Variants in PCDHGB2 observed in about 807,000 individuals in gnomAD.
PCDHGB2 encodes protocadherin gamma-B2.
In PCDHGB2, 55 loss-of-function variants were observed where a neutral mutation model predicts 59.3. The ratio of observed to expected loss-of-function variants is 0.93; its 90% CI spans 0.75 to 1.16. The LOEUF is 1.16. PCDHGB2 is among the 50% of genes most tolerant of loss of function. PCDHGB2 has a pLI of 0.00. For missense variants in PCDHGB2, 1,228 were observed against 1,198.5 expected, an observed-to-expected ratio of 1.02 and a Z score of -0.36; for synonymous variants, 516 against 512.0, an observed-to-expected ratio of 1.01 and a Z score of -0.11.
rs190449546 is a variant in PCDHGB2, at chr5:141,371,792, G to T, written c.2421+9236G>T. ...CCGTGCATGTAGCTGAGAACAATCC[G>T]CCTGGAGCCTCCATTGCGCATGTCA... On this transcript the variant is annotated intron_variant, in intron 1 of 3. Transcript: ENST00000522605. The T allele has an allele frequency of 2.8e-4, 458 of 1,613,872 alleles. 2 individuals are homozygous for T. In the African/African-American group the frequency reaches 4.6e-3, roughly 16 times the overall value.
rs774079222 is a variant in PCDHGB2 at position 141,491,314 on chromosome 5, C to T, written c.2422-3493C>T. On this transcript the variant is annotated intron_variant, in intron 1 of 3. Coordinates refer to ENST00000522605, the MANE Select transcript of PCDHGB2 (RefSeq NM_018923.3). This position sits in a 1 kb window ranked among gnomAD's most constrained non-coding sequence, Gnocchi z 6.9. ...CCCTCCTGAGCGTTCAGACCTTACC[C>T]TTTACCTCATTGTGGCTCTAGCGAC... The T allele has an allele frequency of 1.9e-6, 3 of 1,614,182 alleles. No individual in the cohort carries two copies. In the South Asian group the frequency reaches 3.3e-5, roughly 18 times the overall value.
intron 1 of PCDHGB2, among the ~76,000 whole-genome samples, chr5:141,488,305 T>C (rs1452293355): frequency 6.6e-6 from 1 of 152,234 alleles, no homozygotes; most frequent in African/African-American, 2.4e-5. Context: ...AAATCACTTA[T>C]GTCAGAAAAC....
chr5:141,465,505 G>C (rs905617997), intron 1 of PCDHGB2, among the ~76,000 whole-genome samples: 1 of 152,190 alleles, frequency 6.6e-6, no homozygotes, highest in Non-Finnish European at 1.5e-5. Context: ...CATTGTCGTG[G>C]TCAGGAAGGA....
chr5:141,361,147 C>T lies in PCDHGB2; in HGVS notation c.1012C>T (p.Leu338Phe). 2 of 1,613,956 alleles carry T rather than the reference C, an allele frequency of 1.2e-6. No individual in the cohort carries two copies. The highest frequency in any genetic ancestry group is 8.5e-7 in the Non-Finnish European group (1 of 1,179,890). The change falls in exon 1 of 4, where the codon CTT (leucine) becomes TTT (phenylalanine). Residue 338 changes from leucine to phenylalanine, a missense_variant. Physicochemically the swap from Leu to Phe is conservative, Grantham distance 22. This residue lies in a region of PCDHGB2 where 781 missense variants were observed against 721.6 expected (regional missense o/e 1.08). Coordinates refer to ENST00000522605, the MANE Select transcript of PCDHGB2 (RefSeq NM_018923.3). ...CCACTGCAGTATCCAAGTTGAAATT[C>T]TTGATGACAACGATTGTGCACCTGA... ...AAHCSIQVEI[L>F]DDNDCAPEVI...
At chr5:141,399,454 G>A in intron 1 of PCDHGB2, 1 of 1,613,992 alleles carries the variant, frequency 6.2e-7, no homozygotes. Flanking sequence ...AGACGTCAAC[G>A]ATAACGCTCC....
At chr5:141,426,788 T>C (rs2096960035) in intron 1 of PCDHGB2, 1 of 456,568 alleles carries the variant, frequency 2.2e-6, no homozygotes, top group African/African-American at 2.0e-5. Context: ...CTCTCCAGAG[T>C]TACCAGCTCA....
intron 1 of PCDHGB2, chr5:141,398,765 C>T (rs2093700875): frequency 6.2e-7 from 1 of 1,613,944 alleles, no homozygotes. Flanking sequence ...TTAGTCCTGA[C>T]TGCCTTGGAC....
At chr5:141,500,223 T>TTG (rs1227708024) in intron 2 of PCDHGB2, among the ~76,000 whole-genome samples, 1 of 145,320 alleles carries the variant, frequency 6.9e-6, no homozygotes, top group Non-Finnish European at 1.5e-5. Flanking sequence ...TTTATTTATT[T>TTG]ATTGATACGT....
chr5:141,427,469 C>T lies in PCDHGB2; in HGVS notation c.2421+64913C>T, dbSNP rs116302471. The T allele has an allele frequency of 9.8e-3, 5,010 of 510,088 alleles. 35 individuals are homozygous for T. Among genetic ancestry groups the T allele is most frequent in the Non-Finnish European group, 0.012 (3,225 of 262,464 alleles). 31.6% of individuals were successfully genotyped at this position (510,088 alleles called of 1,614,324 possible). A position where few individuals can be genotyped will look rare whatever the true frequency, so the allele number is the denominator to read the frequency against. On this transcript the variant is annotated intron_variant, in intron 1 of 3. Coordinates refer to ENST00000522605, the MANE Select transcript of PCDHGB2 (RefSeq NM_018923.3). Reference sequence around the variant, plus strand: ...GAGTTCCTTTTAGAATCGAATCTTCCGCCAATAATGACTATAAGCTTGTAA... The same window carrying T: ...GAGTTCCTTTTAGAATCGAATCTTCTGCCAATAATGACTATAAGCTTGTAA...
intron 1 of PCDHGB2, chr5:141,413,715 G>A (rs955570292): frequency 2.5e-6 from 4 of 1,613,472 alleles, no homozygotes; most frequent in Non-Finnish European, 3.4e-6. Context: ...GCCCCAATAA[G>A]CACTTCTCCC....
chr5:141,484,866 C>A (rs1474623432), intron 1 of PCDHGB2: 9 of 275,500 alleles, frequency 3.3e-5, no homozygotes, highest in Non-Finnish European at 5.5e-5. Context: ...GGTGGGGGAG[C>A]GTGGAGGATA....
intron 1 of PCDHGB2, chr5:141,409,177 T>C: frequency 3.1e-6 from 5 of 1,613,944 alleles, no homozygotes; most frequent in Non-Finnish European, 4.2e-6. Context: ...AGGACGGAGG[T>C]GGTCTCTCTA....
chr5:141,372,161 C>T lies in PCDHGB2; in HGVS notation c.2421+9605C>T, dbSNP rs777425940. 5.6e-6 allele frequency: 9 copies of T among 1,613,776 alleles called. No individual in the cohort carries two copies. The Middle Eastern group carries it at 5.0e-4, about 89-fold the overall frequency. On this transcript the variant is annotated intron_variant, in intron 1 of 3. Transcript: ENST00000522605. Reference sequence around the variant, plus strand: ...CTGCAGAGCCTGGCTACCTGGTGACCAAGGTGGTGGCGGTGGACGCAGACT... The same window carrying T: ...CTGCAGAGCCTGGCTACCTGGTGACTAAGGTGGTGGCGGTGGACGCAGACT...
Position 141,491,611 on chromosome 5 carries a change from A to G in PCDHGB2, c.2422-3196A>G. The G allele has an allele frequency of 6.2e-7, 1 of 1,613,866 alleles. No individual in the cohort carries two copies. The highest frequency in any genetic ancestry group is 8.5e-7 in the Non-Finnish European group (1 of 1,180,018). Reference sequence around the variant, plus strand: ...GGACGGCAGTGACTTCACTTTTCTAAGACCCCTCAGCGTTCAGCAGCCCAC... The same window carrying G: ...GGACGGCAGTGACTTCACTTTTCTAGGACCCCTCAGCGTTCAGCAGCCCAC... On this transcript the variant is annotated intron_variant, in intron 1 of 3. Transcript: ENST00000522605. This position sits in a 1 kb window ranked among gnomAD's most constrained non-coding sequence, Gnocchi z 6.9.
At chr5:141,451,561 C>T (rs1412657561) in intron 1 of PCDHGB2, among the ~76,000 whole-genome samples, 2 of 152,096 alleles carry the variant, frequency 1.3e-5, no homozygotes, top group Non-Finnish European at 2.9e-5. Flanking sequence ...ATGAAAGCCA[C>T]AATCTTTTTA....
chr5:141,418,821 C>G (rs750200042), intron 1 of PCDHGB2: 1 of 1,613,846 alleles, frequency 6.2e-7, no homozygotes, highest in Non-Finnish European at 8.5e-7. Flanking sequence ...AACATAGAAG[C>G]AAAAGACCGA....
rs151239937 is a variant in PCDHGB2, at chr5:141,485,980, G to A, written c.2422-8827G>A. 1.9e-6 allele frequency: 3 copies of A among 1,614,020 alleles called. No homozygotes were observed. The highest frequency in any genetic ancestry group is 2.5e-6 in the Non-Finnish European group (3 of 1,180,004). Reference sequence around the variant, plus strand: ...TCATCCAGCTCAATGCCTCAGACCCGGACCTGGGTCCCAGTGGTAACGTCA... The same window carrying A: ...TCATCCAGCTCAATGCCTCAGACCCAGACCTGGGTCCCAGTGGTAACGTCA... On this transcript the variant is annotated intron_variant, in intron 1 of 3. Coordinates refer to ENST00000522605, the MANE Select transcript of PCDHGB2 (RefSeq NM_018923.3). The surrounding 1 kb of genome is among the most constrained non-coding windows in gnomAD (Gnocchi z 5.7).
At chr5:141,492,993 G>A (rs952802686) in intron 1 of PCDHGB2, among the ~76,000 whole-genome samples, 5 of 152,216 alleles carry the variant, frequency 3.3e-5, no homozygotes, top group African/African-American at 1.2e-4. Flanking sequence ...CTGGCAGATG[G>A]AAAGCTATAG....
chr5:141,427,530 T>C (rs1302316196), intron 1 of PCDHGB2: 3 of 619,732 alleles, frequency 4.8e-6, no homozygotes, highest in Non-Finnish European at 9.0e-6. Context: ...GATCCCGGAG[T>C]ACAACGTCAC....
Sources: allele counts gnomAD v4.1 joint callset (sites outside exome capture counted in the v4.1 genomes callset), GRCh38; gene constraint gnomAD v4.1.1; regional missense constraint gnomAD v4.1.1; non-coding constraint Gnocchi (gnomAD v3.1); transcripts MANE v1.5; gene names NCBI Gene and HGNC (gene_info 2026-07-23, HGNC 2026-07-21).